MCF2L2: variants seen among roughly 807,000 people sequenced by gnomAD.
MCF2L2 encodes the protein probable guanine nucleotide exchange factor MCF2L2.
MCF2L2 carries 102 observed loss-of-function variants against 150.2 expected under a neutral mutation model. The ratio of observed to expected loss-of-function variants is 0.68; its 90% confidence interval spans 0.58 to 0.80. The LOEUF (loss-of-function observed/expected upper bound fraction) is 0.80. Among genes scored for constraint, MCF2L2 ranks in the 30% least tolerant of loss-of-function variants. MCF2L2 has a pLI of 0.00. For missense variants in MCF2L2, 1,256 were observed against 1,372.8 expected (o/e 0.91, Z 1.34); for synonymous variants, 465 against 491.3 (o/e 0.95, Z 0.71).
chr3:183,228,680 AG>A (rs912346406), intron 17 of MCF2L2, among the ~76,000 whole-genome samples: 2 of 152,190 alleles, frequency 1.3e-5, no homozygotes, highest in Non-Finnish European at 2.9e-5. Flanking sequence ...CAGAAGGCAC[AG>A]GGGGTCAGGA....
intron 15 of MCF2L2, among the ~76,000 whole-genome samples, chr3:183,240,887 A>G (rs1723992970): frequency 6.6e-6 from 1 of 152,246 alleles, no homozygotes; most frequent in South Asian, 2.1e-4. Flanking sequence ...AGCTGAAATC[A>G]GTACCACACT....
Position 183,309,697 on chromosome 3 carries a change from A to G in MCF2L2, c.1113+19T>C. 1 of 1,613,978 alleles carries G rather than the reference A, an allele frequency of 6.2e-7. No individual in the cohort carries two copies. Among genetic ancestry groups the G allele is most frequent in the East Asian group, 2.2e-5 (1 of 44,862 alleles). On this transcript the variant is annotated intron_variant, in intron 10 of 29. Transcript: ENST00000328913. ...ACAGCAACCTCCCTCCCAGTACACA[A>G]AAATGTCAGAAAGCAAACCTGGCTT...
intron 13 of MCF2L2, among the ~76,000 whole-genome samples, chr3:183,290,533 C>CT (rs1209415171): frequency 1.4e-3 from 214 of 151,418 alleles, no homozygotes; most frequent in African/African-American, 4.6e-3. Context: ...GCATTTCTTT[C>CT]TTTCTTTCTT....
chr3:183,352,594 C>T (rs575267485), intron 3 of MCF2L2, among the ~76,000 whole-genome samples: 112 of 152,268 alleles, frequency 7.4e-4, no homozygotes, highest in African/African-American at 2.7e-3. Flanking sequence ...CCTGCCCAAG[C>T]CAATGGAGAG....
At chr3:183,354,200 T>A (rs1711628306) in intron 3 of MCF2L2, among the ~76,000 whole-genome samples, 1 of 152,210 alleles carries the variant, frequency 6.6e-6, no homozygotes, top group South Asian at 2.1e-4. Context: ...CTGACTCTAG[T>A]ACAGCGTCAC....
rs770556492 is a variant in MCF2L2 at position 183,338,870 on chromosome 3, C to A, written c.416G>T (p.Arg139Leu). The change falls in exon 5 of 30, where the codon CGC becomes CTC. Residue 139 changes from arginine (R) to leucine (L), a missense_variant. Coordinates refer to ENST00000328913, the MANE Select transcript of MCF2L2 (RefSeq NM_015078.4). ...GTCAGTGAATGTCCTCTGGATAAAGCGAGATGGACGAAGGATGAATATGAG... is the reference window on the plus strand; with the variant it reads ...GTCAGTGAATGTCCTCTGGATAAAGAGAGATGGACGAAGGATGAATATGAG... The part of the protein sequence containing the change: ...LQLIFILRPS[R>L]FIQRTFTDIG... The A allele has an allele frequency of 6.2e-7, 1 of 1,606,858 alleles. No homozygotes were observed. The highest frequency in any genetic ancestry group is 1.1e-5 in the South Asian group (1 of 90,404).
chr3:183,216,137 T>C (rs772201612), intron 21 of MCF2L2, 43 bp from the exon 22 acceptor site: 4 of 1,603,496 alleles, frequency 2.5e-6, no homozygotes, highest in African/African-American at 2.7e-5. Context: ...AAGTATACCA[T>C]CTGCAAAGTG....
intron 15 of MCF2L2, chr3:183,269,546 G>GCATGAGGCAT: frequency 2.5e-6 from 1 of 405,118 alleles, no homozygotes; most frequent in Non-Finnish European, 4.4e-6. Context: ...CGCCCACCAC[G>GCATGAGGCAT]CTTCCTGAAG....
chr3:183,250,492 C>G (rs566993916), intron 15 of MCF2L2, among the ~76,000 whole-genome samples: 31 of 151,210 alleles, frequency 2.1e-4, no homozygotes, highest in African/African-American at 7.3e-4. Context: ...GAGGCTGAGG[C>G]AGGAGAGTCA....
intron 21 of MCF2L2, among the ~76,000 whole-genome samples, chr3:183,217,815 C>T (rs1723001031): frequency 6.6e-6 from 1 of 152,190 alleles, no homozygotes; most frequent in African/African-American, 2.4e-5. Context: ...AAAGACTCAG[C>T]ATTCAGCGGA....
intron 15 of MCF2L2, among the ~76,000 whole-genome samples, chr3:183,239,175 TTAGGA>T (rs1723891197): frequency 6.6e-6 from 1 of 152,280 alleles, no homozygotes; most frequent in East Asian, 1.9e-4. Context: ...AGGACTGCAC[TTAGGA>T]TACCAAAGGG....
At chr3:183,342,229 C>T (rs1282999970) in intron 3 of MCF2L2, among the ~76,000 whole-genome samples, 1 of 152,152 alleles carries the variant, frequency 6.6e-6, no homozygotes, top group Admixed American at 6.5e-5. Flanking sequence ...CAGAATCTTT[C>T]GAAAGTAGAA....
At chr3:183,366,512 G>A (rs1712529579) in intron 3 of MCF2L2, among the ~76,000 whole-genome samples, 1 of 152,174 alleles carries the variant, frequency 6.6e-6, no homozygotes, top group African/African-American at 2.4e-5. Context: ...AGGCATGGTG[G>A]TGTGTGCCAG....
intron 1 of MCF2L2, among the ~76,000 whole-genome samples, chr3:183,421,980 T>C (rs1351078844): frequency 6.6e-6 from 1 of 152,246 alleles, no homozygotes; most frequent in African/African-American, 2.4e-5. Context: ...ATCTCTCTGT[T>C]GTCTGCCTTT....
At chr3:183,349,031 C>T (rs1178179947) in intron 3 of MCF2L2, among the ~76,000 whole-genome samples, 1 of 152,262 alleles carries the variant, frequency 6.6e-6, no homozygotes, top group Admixed American at 6.5e-5. Flanking sequence ...ATATTCTTTT[C>T]AAATGCTCAT....
chr3:183,327,187 T>C (rs1441909012), intron 5 of MCF2L2, among the ~76,000 whole-genome samples: 1 of 151,988 alleles, frequency 6.6e-6, no homozygotes, highest in African/African-American at 2.4e-5. Context: ...TAGCCGGGCG[T>C]GGTGGCAGTC....
At chr3:183,185,643 T>C (rs1721667214) in intron 27 of MCF2L2, among the ~76,000 whole-genome samples, 1 of 152,184 alleles carries the variant, frequency 6.6e-6, no homozygotes. Context: ...TAATACATGG[T>C]GTCACATTCT....
chr3:183,362,355 G>A (rs904480104), intron 3 of MCF2L2, among the ~76,000 whole-genome samples: 7 of 151,846 alleles, frequency 4.6e-5, no homozygotes, highest in African/African-American at 1.5e-4. Flanking sequence ...CACCTGCCTC[G>A]GCCTCCCAAA....
At chr3:183,423,306 T>C (rs770527650) in intron 1 of MCF2L2, among the ~76,000 whole-genome samples, 2 of 152,206 alleles carry the variant, frequency 1.3e-5, no homozygotes, top group Non-Finnish European at 2.9e-5. Context: ...CTCAGTCTAG[T>C]ATTTTTCTGG....
Sources: gnomAD v4.1 joint callset for allele counts (sites outside exome capture counted in the v4.1 genomes callset) on GRCh38, gnomAD v4.1.1 for gene constraint, MANE v1.5 for transcripts, NCBI Gene and HGNC (gene_info 2026-07-23, HGNC 2026-07-21) for gene names.